DGKG: variants seen among roughly 807,000 people sequenced by gnomAD.
The protein encoded by DGKG is DAG kinase gamma.
A neutral mutation model predicts 105.3 loss-of-function variants in DGKG; 78 were observed. The ratio of observed to expected loss-of-function variants is 0.74; its 90% CI spans 0.62 to 0.89. DGKG has a LOEUF of 0.89. DGKG is among the 40% of genes least tolerant of loss of function. DGKG has a pLI of 0.00. For missense variants in DGKG, 958 were observed against 1,020.1 expected (o/e 0.94, Z 0.83); for synonymous variants, 346 against 367.1 (o/e 0.94, Z 0.66).
rs758064850 is a variant in DGKG at position 186,298,158 on chromosome 3, G to C, written c.216C>G (p.Ser72Arg). Residue 72 changes from serine to arginine, a missense_variant, in exon 4 of 25, where the codon AGC becomes AGG. Around this residue, in one of 2 missense-constraint regions of DGKG, gnomAD observed 643 missense variants for 619.5 expected, o/e 1.04. Transcript: ENST00000265022. Reference sequence around the variant, plus strand: ...GGCTGAAGGCCAGGAAGAGGTGAGTGCTCAGTGGCTGGGGAAGGTCCACCT... The same window carrying C: ...GGCTGAAGGCCAGGAAGAGGTGAGTCCTCAGTGGCTGGGGAAGGTCCACCT... ...YLEVDLPQPLSTHLFLAFSQK... is the reference protein window; with the variant it reads ...YLEVDLPQPLRTHLFLAFSQK... 6.2e-7 allele frequency: 1 copy of C among 1,614,018 alleles called. No homozygotes were observed. The highest frequency in any genetic ancestry group is 1.3e-5 in the African/African-American group (1 of 74,926).
intron 21 of DGKG, among the ~76,000 whole-genome samples, chr3:186,193,041 T>A (rs1717981846): frequency 6.6e-6 from 1 of 152,184 alleles, no homozygotes; most frequent in African/African-American, 2.4e-5. Context: ...GAGCAGGCAA[T>A]CCTCACTCTG....
At chr3:186,181,027 G>A (rs912532291) in intron 22 of DGKG, among the ~76,000 whole-genome samples, 1 of 152,218 alleles carries the variant, frequency 6.6e-6, no homozygotes, top group Non-Finnish European at 1.5e-5. Flanking sequence ...CTGCTCAGTT[G>A]GTTTGAGTGC....
intron 24 of DGKG, among the ~76,000 whole-genome samples, chr3:186,153,019 C>A (rs1351005237): frequency 6.9e-6 from 1 of 144,664 alleles, no homozygotes; most frequent in Non-Finnish European, 1.5e-5. Flanking sequence ...TCTTTTTTAT[C>A]CCTTTAGCTG....
At chr3:186,273,460 C>T (rs570608375) in intron 10 of DGKG, among the ~76,000 whole-genome samples, 125 of 147,596 alleles carry the variant, frequency 8.5e-4, no homozygotes, top group Non-Finnish European at 1.3e-3. Flanking sequence ...CCGCAACCTC[C>T]GACTCCCTGG....
At chr3:186,353,656 GTCTATATCTATA>G (rs200198956) in intron 1 of DGKG, among the ~76,000 whole-genome samples, 1,359 of 116,130 alleles carry the variant, frequency 0.012, 23 homozygotes, top group African/African-American at 0.043. Flanking sequence ...CTATGTCTAT[GTCTATATCTATA>G]TCTATATCTA....
chr3:186,171,925 G>C (rs1024727767), intron 22 of DGKG, among the ~76,000 whole-genome samples: 3 of 150,420 alleles, frequency 2.0e-5, no homozygotes, highest in African/African-American at 7.3e-5. Context: ...GCATGATCTT[G>C]GCTCACTGCA....
intron 1 of DGKG, among the ~76,000 whole-genome samples, chr3:186,355,177 T>TACC (rs1347464034): frequency 2.3e-3 from 67 of 28,580 alleles, no homozygotes; most frequent in African/African-American, 7.5e-3. Context: ...CCCCCACAAC[T>TACC]ATCACCACCA....
intron 2 of DGKG, among the ~76,000 whole-genome samples, chr3:186,308,974 CA>C (rs1724387159): frequency 1.3e-5 from 2 of 152,136 alleles, no homozygotes; most frequent in African/African-American, 4.8e-5. Flanking sequence ...TCGACTTGCT[CA>C]AGAGCCAGGG....
intron 1 of DGKG, among the ~76,000 whole-genome samples, chr3:186,345,825 A>G (rs1022001274): frequency 6.6e-6 from 1 of 152,184 alleles, no homozygotes; most frequent in Non-Finnish European, 1.5e-5. Context: ...GCTGGAGTGC[A>G]GTGGCGCGAT....
intron 11 of DGKG, among the ~76,000 whole-genome samples, chr3:186,269,255 C>T (rs1182398360): frequency 6.6e-6 from 1 of 152,188 alleles, no homozygotes; most frequent in Non-Finnish European, 1.5e-5. Flanking sequence ...TGTTTGTATG[C>T]GCCCTCTTCT....
intron 2 of DGKG, among the ~76,000 whole-genome samples, chr3:186,311,937 A>G (rs1406437628): frequency 7.6e-6 from 1 of 131,648 alleles, no homozygotes; most frequent in Non-Finnish European, 1.5e-5. Context: ...TAACAAGGTG[A>G]AACCCCGTCT....
chr3:186,343,279 A>T lies in DGKG; in HGVS notation c.-249+18667T>A, dbSNP rs16860728. Among the ~76,000 whole-genome samples, 40 of 152,220 alleles carry T rather than the reference A, an allele frequency of 2.6e-4. No individual in the cohort carries two copies. The Middle Eastern group carries it at 0.014, about 52-fold the overall frequency. ...CAGAGGACCAGAAACAAGCAAATCT[A>T]ATCTTCTTTCTTTCTTTTCTTTTTT... On this transcript the variant is annotated intron_variant, in intron 1 of 24. Transcript: ENST00000265022.
chr3:186,230,190 G>A (rs988157420), intron 20 of DGKG, among the ~76,000 whole-genome samples: 5 of 152,140 alleles, frequency 3.3e-5, no homozygotes, highest in Admixed American at 6.5e-5. Context: ...CCCAGGAGGT[G>A]GAGGCTGCAG....
chr3:186,220,623 C>A (rs561857353), intron 20 of DGKG, among the ~76,000 whole-genome samples: 1 of 152,164 alleles, frequency 6.6e-6, no homozygotes. Context: ...ACATGCGCCA[C>A]CGGTATGGCT....
chr3:186,176,814 GAA>G (rs2108490729), intron 22 of DGKG, among the ~76,000 whole-genome samples: 1 of 152,338 alleles, frequency 6.6e-6, no homozygotes, highest in Admixed American at 6.5e-5. Context: ...ACCTGAGGAT[GAA>G]AAGAGATGGG....
chr3:186,270,734 T>C (rs1388415978), intron 11 of DGKG, among the ~76,000 whole-genome samples: 3 of 152,266 alleles, frequency 2.0e-5, no homozygotes, highest in Non-Finnish European at 4.4e-5. Context: ...TAGGGTTTCC[T>C]AGCCAGGTCT....
Position 186,150,002 on chromosome 3 carries a change from ATGTGTGAGTGTGCACATAAATTG to A in DGKG, c.*65_*87del. On this transcript the variant is annotated 3_prime_UTR_variant, in exon 25 of 25. Transcript: ENST00000265022. The stretch of plus-strand genomic sequence containing the variant: ...AGTGTGTATGTGTGTGTGTGTGTGC[ATGTGTGAGTGTGCACATAAATTG>A]TGTGTGAGTGTGCATTATAGTTTCT... 2.0e-6 allele frequency: 3 copies of A among 1,511,044 alleles called. No individual in the cohort carries two copies. The highest frequency in any genetic ancestry group is 2.7e-6 in the Non-Finnish European group (3 of 1,129,562). 93.6% of individuals were successfully genotyped at this position (1,511,044 alleles called of 1,614,324 possible).
chr3:186,285,675 CTTTCT>C (rs1407349116), intron 6 of DGKG, among the ~76,000 whole-genome samples: 6 of 122,592 alleles, frequency 4.9e-5, no homozygotes, highest in Non-Finnish European at 8.6e-5. Flanking sequence ...TTCTTTCTTT[CTTTCT>C]TTTTTTTTTT....
chr3:186,242,470 G>T (rs765001794), intron 20 of DGKG, 34 bp downstream of exon 20: 1 of 1,583,742 alleles, frequency 6.3e-7, no homozygotes, highest in East Asian at 2.2e-5. Flanking sequence ...GGCCACACTG[G>T]GTGGGTGGCA....
Sources: gnomAD v4.1 joint callset for allele counts (sites outside exome capture counted in the v4.1 genomes callset) on GRCh38, gnomAD v4.1.1 for gene constraint, gnomAD v4.1.1 regional missense constraint, MANE v1.5 for transcripts, NCBI Gene and HGNC (gene_info 2026-07-23, HGNC 2026-07-21) for gene names.